Variants in SPACA7 observed in about 807,000 individuals in gnomAD.
SPACA7 encodes the protein sperm acrosome-associated protein 7.
In SPACA7, 19 loss-of-function variants were observed where a neutral mutation model predicts 26.3. The observed-to-expected ratio is 0.72, with a 90% CI of 0.50 to 1.06. The LOEUF (loss-of-function observed/expected upper bound fraction) is 1.06. SPACA7 is among the 50% of genes least tolerant of loss of function. The pLI is 0.00. For missense variants in SPACA7, 211 were observed against 229.9 expected (o/e 0.92, Z 0.53); for synonymous variants, 84 against 84.5 (o/e 0.99, Z 0.04).
chr13:112,422,513 C>T (rs1043971429), intron 5 of SPACA7, among the ~76,000 whole-genome samples: 4 of 152,202 alleles, frequency 2.6e-5, no homozygotes, highest in Non-Finnish European at 5.9e-5. Context: ...GCTCTTGGAA[C>T]ATTCACCAAC....
chr13:112,393,972 G>A (rs370298081), intron 2 of SPACA7, among the ~76,000 whole-genome samples: 2 of 132,940 alleles, frequency 1.5e-5, no homozygotes, highest in Non-Finnish European at 1.6e-5. Context: ...GCAACAGAGC[G>A]AGACTCTGTC....
intron 1 of SPACA7, chr13:112,382,281 C>A (rs1884123431): frequency 1.5e-6 from 1 of 655,798 alleles, no homozygotes; most frequent in Non-Finnish European, 2.5e-6. Context: ...TTGACAGAGT[C>A]TCACTCTGTT....
chr13:112,399,022 T>A, intron 3 of SPACA7, 44 bp from the exon 4 acceptor site: 1 of 1,212,126 alleles, frequency 8.2e-7, no homozygotes, highest in Non-Finnish European at 1.2e-6. Flanking sequence ...ACCTGTGTAA[T>A]CAAGAAAACT....
intron 5 of SPACA7, among the ~76,000 whole-genome samples, chr13:112,425,368 A>G (rs1566488663): frequency 6.6e-6 from 1 of 152,258 alleles, no homozygotes; most frequent in Non-Finnish European, 1.5e-5. Flanking sequence ...TGAAGCCGAT[A>G]CAACTGGAAG....
intron 1 of SPACA7, among the ~76,000 whole-genome samples, chr13:112,388,128 A>G (rs527758497): frequency 6.6e-6 from 1 of 152,308 alleles, no homozygotes; most frequent in South Asian, 2.1e-4. Context: ...TCCCTTCCAC[A>G]TACACAAACA....
At chr13:112,376,609 G>A in intron 1 of SPACA7, 130 bp downstream of exon 1, 1 of 1,005,976 alleles carries the variant, frequency 9.9e-7, no homozygotes, top group Non-Finnish European at 1.4e-6. Flanking sequence ...GGGAATGAAT[G>A]TAGCTGAAAA....
Position 112,434,471 on chromosome 13 carries a change from C to T in SPACA7, c.524-14C>T. The T allele has an allele frequency of 1.2e-6, 2 of 1,603,308 alleles. No homozygotes were observed. Among genetic ancestry groups the T allele is most frequent in the Non-Finnish European group, 1.7e-6 (2 of 1,174,848 alleles). On this transcript the variant is annotated splice_polypyrimidine_tract_variant and intron_variant, in intron 6 of 6. Transcript: ENST00000283550. ...CACACACTGCCAGTCTCAAAATCTCCTCTTTCCACACAGGAAACATTTTCC... is the reference window on the plus strand; with the variant it reads ...CACACACTGCCAGTCTCAAAATCTCTTCTTTCCACACAGGAAACATTTTCC...
intron 1 of SPACA7, among the ~76,000 whole-genome samples, chr13:112,381,192 T>C (rs903757639): frequency 6.6e-5 from 10 of 152,146 alleles, no homozygotes; most frequent in African/African-American, 2.4e-4. Flanking sequence ...GAAACTGTTT[T>C]TAAAAGGCAA....
chr13:112,417,465 G>C (rs11840009), intron 5 of SPACA7, among the ~76,000 whole-genome samples: 39,388 of 151,926 alleles, frequency 0.26, 5,494 homozygotes, highest in South Asian at 0.38. Flanking sequence ...TTTGATATAA[G>C]AAAAATAAGT....
intron 5 of SPACA7, among the ~76,000 whole-genome samples, chr13:112,410,723 A>G (rs1886295578): frequency 2.0e-5 from 3 of 151,982 alleles, no homozygotes. Context: ...TGGTGCAGCC[A>G]CTGCAGAAGA....
At chr13:112,404,134 G>C (rs1311460981) in intron 5 of SPACA7, among the ~76,000 whole-genome samples, 1 of 152,148 alleles carries the variant, frequency 6.6e-6, no homozygotes, top group Non-Finnish European at 1.5e-5. Context: ...GAGTGAGGTG[G>C]TATAGCATTG....
intron 1 of SPACA7, among the ~76,000 whole-genome samples, chr13:112,378,003 G>A (rs1374957918): frequency 3.9e-5 from 6 of 152,184 alleles, no homozygotes; most frequent in Non-Finnish European, 7.4e-5. Context: ...GGATTTCCTA[G>A]TTTGCAGGGG....
At chr13:112,386,276 C>T (rs1432715328) in intron 1 of SPACA7, among the ~76,000 whole-genome samples, 1 of 152,168 alleles carries the variant, frequency 6.6e-6, no homozygotes, top group Non-Finnish European at 1.5e-5. Flanking sequence ...GTCAAGTATT[C>T]CTCCTTAACT....
At chr13:112,391,696 C>G (rs1302385294) in intron 1 of SPACA7, among the ~76,000 whole-genome samples, 1 of 152,204 alleles carries the variant, frequency 6.6e-6, no homozygotes, top group Non-Finnish European at 1.5e-5. Flanking sequence ...AAATATTTTA[C>G]TCCACATGCT....
intron 1 of SPACA7, among the ~76,000 whole-genome samples, chr13:112,387,136 G>T (rs1884578703): frequency 6.6e-6 from 1 of 152,202 alleles, no homozygotes; most frequent in Admixed American, 6.5e-5. Context: ...TTTCCAGAAG[G>T]AGTCTAGAGA....
chr13:112,387,822 G>T (rs557180779), intron 1 of SPACA7, among the ~76,000 whole-genome samples: 6 of 152,128 alleles, frequency 3.9e-5, no homozygotes, highest in Non-Finnish European at 7.3e-5. Flanking sequence ...CAAGGAGAAC[G>T]GAATTAACAT....
chr13:112,388,784 G>T (rs1328393338), intron 1 of SPACA7, among the ~76,000 whole-genome samples: 4 of 152,144 alleles, frequency 2.6e-5, no homozygotes, highest in Non-Finnish European at 5.9e-5. Flanking sequence ...CCAAGCATTC[G>T]GGAAACAGAG....
chr13:112,416,058 G>A (rs1206565909), intron 5 of SPACA7, among the ~76,000 whole-genome samples: 2 of 151,762 alleles, frequency 1.3e-5, no homozygotes, highest in Non-Finnish European at 2.9e-5. Flanking sequence ...GTTGGGGCAG[G>A]GTGGTGTAGG....
chr13:112,409,865 G>A (rs1487789128), intron 5 of SPACA7, among the ~76,000 whole-genome samples: 5 of 152,070 alleles, frequency 3.3e-5, no homozygotes, highest in Non-Finnish European at 7.4e-5. Context: ...CCCATTAGTG[G>A]GTATATACCC....
Sources: gnomAD v4.1 joint callset for allele counts (sites outside exome capture counted in the v4.1 genomes callset) on GRCh38, gnomAD v4.1.1 for gene constraint, MANE v1.5 for transcripts, NCBI Gene and HGNC (gene_info 2026-07-23, HGNC 2026-07-21) for gene names.